EPCIP: variants seen among roughly 807,000 people sequenced by gnomAD.
The protein encoded by EPCIP is exosomal polycystin 1 interacting protein, also known as exosomal polycystin-1-interacting protein.
the EPCIP span, among the ~76,000 whole-genome samples, chr21:32,796,247 G>C: frequency 6.6e-6 from 1 of 152,208 alleles, no homozygotes; most frequent in Non-Finnish European, 1.5e-5. Flanking sequence ...TGTGAGGATG[G>C]AGAGGCTATA....
At chr21:32,803,200 C>T in the EPCIP span, among the ~76,000 whole-genome samples, 1,114 of 152,302 alleles carry the variant, frequency 7.3e-3, 12 homozygotes, top group African/African-American at 0.025. Context: ...GCTGAAAACC[C>T]GCTCACAGAT....
chr21:32,809,273 C>CCCCT, the EPCIP span, among the ~76,000 whole-genome samples: 2 of 76,332 alleles, frequency 2.6e-5, no homozygotes, highest in African/African-American at 8.6e-5. Context: ...TCTTCCCTCC[C>CCCCT]TCCTTCCTTT....
chr21:32,804,180 C>T, the EPCIP span, among the ~76,000 whole-genome samples: 1 of 151,708 alleles, frequency 6.6e-6, no homozygotes, highest in African/African-American at 2.4e-5. Flanking sequence ...ATAGTTGGAT[C>T]AGTCGGAGAA....
chr21:32,812,886 C>G, the EPCIP span, among the ~76,000 whole-genome samples: 1 of 152,158 alleles, frequency 6.6e-6, no homozygotes, highest in Admixed American at 6.5e-5. Flanking sequence ...CCCTCTTCAT[C>G]TTGCCTTTTG....
the EPCIP span, among the ~76,000 whole-genome samples, chr21:32,801,845 A>G: frequency 2.0e-5 from 3 of 152,028 alleles, no homozygotes; most frequent in Admixed American, 2.0e-4. Flanking sequence ...CTCATCTCAA[A>G]AGAGAAAAAA....
At chr21:32,793,903 A>G in the EPCIP span, 1 of 1,614,142 alleles carries the variant, frequency 6.2e-7, no homozygotes, top group East Asian at 2.2e-5. Flanking sequence ...TGTTGAAAAG[A>G]GCCATATCTA....
the EPCIP span, among the ~76,000 whole-genome samples, chr21:32,809,265 T>TTCCC: frequency 1.4e-3 from 79 of 56,670 alleles, 2 homozygotes; most frequent in African/African-American, 3.2e-3. Context: ...CTTTTCTTTC[T>TTCCC]TCCCTCCCTC....
chr21:32,794,587 G>C, the EPCIP span: 11 of 680,038 alleles, frequency 1.6e-5, no homozygotes, highest in Non-Finnish European at 2.7e-5. Flanking sequence ...TTTCTTTCTT[G>C]CAGTTCTAGT....
chr21:32,794,245 C>G, the EPCIP span: 1 of 1,614,270 alleles, frequency 6.2e-7, no homozygotes, highest in Non-Finnish European at 8.5e-7. Context: ...AGTTGCACAT[C>G]AGGTTGGCCA....
chr21:32,794,248 G>T, the EPCIP span: 1 of 1,614,268 alleles, frequency 6.2e-7, no homozygotes, highest in South Asian at 1.1e-5. Flanking sequence ...TGCACATCAG[G>T]TTGGCCAAAC....
the EPCIP span, chr21:32,798,509 G>A: frequency 1.3e-5 from 2 of 152,212 alleles, no homozygotes; most frequent in Non-Finnish European, 2.9e-5. Flanking sequence ...TTCTGCTGGA[G>A]ACTGTGTCTT....
chr21:32,800,829 A>C, the EPCIP span, among the ~76,000 whole-genome samples: 4 of 151,808 alleles, frequency 2.6e-5, no homozygotes, highest in Middle Eastern at 3.4e-3. Context: ...AAACCAAAAA[A>C]AAAAAAAACA....
the EPCIP span, among the ~76,000 whole-genome samples, chr21:32,799,412 C>G: frequency 6.6e-6 from 1 of 152,206 alleles, no homozygotes; most frequent in African/African-American, 2.4e-5. Flanking sequence ...CAGGGACACA[C>G]TTTGGGTACT....
At chr21:32,794,264 T>C in the EPCIP span, 1 of 1,614,238 alleles carries the variant, frequency 6.2e-7, no homozygotes, top group South Asian at 1.1e-5. Flanking sequence ...CAAACTGTAG[T>C]CACAATCCCG....
chr21:32,796,456 C>T, the EPCIP span, among the ~76,000 whole-genome samples: 5 of 152,114 alleles, frequency 3.3e-5, no homozygotes, highest in African/African-American at 9.7e-5. Flanking sequence ...AACATACAGG[C>T]GGCTATGAGA....
At chr21:32,808,606 A>C in the EPCIP span, among the ~76,000 whole-genome samples, 2 of 152,220 alleles carry the variant, frequency 1.3e-5, no homozygotes, top group African/African-American at 4.8e-5. Context: ...AGAGTTTTAA[A>C]ATGCTTCCTG....
the EPCIP span, chr21:32,797,084 G>A: frequency 2.2e-6 from 1 of 457,476 alleles, no homozygotes; most frequent in African/African-American, 2.0e-5. Flanking sequence ...TAGACCTCAG[G>A]ATGGTCCCTG....
chr21:32,806,123 G>T, the EPCIP span, among the ~76,000 whole-genome samples: 1 of 152,176 alleles, frequency 6.6e-6, no homozygotes, highest in East Asian at 1.9e-4. Context: ...GAGGCTGCAA[G>T]AAGTGCTTTT....
At chr21:32,798,999 C>A in the EPCIP span, 2 of 151,984 alleles carry the variant, frequency 1.3e-5, no homozygotes, top group African/African-American at 4.8e-5. Flanking sequence ...AAATAAATAA[C>A]CAAATAAGTA....
Sources: allele counts gnomAD v4.1 joint callset (sites outside exome capture counted in the v4.1 genomes callset), GRCh38; gene constraint gnomAD v4.1.1; transcripts MANE v1.5; gene names NCBI Gene and HGNC (gene_info 2026-07-23, HGNC 2026-07-21).